The following ZBTB16 variants were observed in gnomAD, a reference collection of about 807,000 sequenced individuals.
ZBTB16 encodes zinc finger and BTB domain containing 16.
In ZBTB16, 8 loss-of-function variants were observed where a neutral mutation model predicts 56.8. That is an observed-to-expected ratio of 0.14 (90% confidence interval 0.08 to 0.25). The LOEUF is 0.25. Ranked by LOEUF, ZBTB16 falls within the 10% of genes least tolerant of loss-of-function variation. ZBTB16 has a pLI of 1.00. For synonymous variants in ZBTB16, 363 were observed against 368.5 expected (o/e 0.98, Z 0.17); for missense variants, 625 against 903.0 (o/e 0.69, Z 3.95).
At chr11:114,171,241 T>C (rs1942958976) in intron 3 of ZBTB16, among the ~76,000 whole-genome samples, 2 of 152,254 alleles carry the variant, frequency 1.3e-5, no homozygotes, top group Admixed American at 1.3e-4. Flanking sequence ...CTGTCTGTCC[T>C]GTCCGAGCAA....
intron 4 of ZBTB16, among the ~76,000 whole-genome samples, chr11:114,190,185 A>C (rs1344539977): frequency 1.3e-5 from 2 of 152,216 alleles, no homozygotes; most frequent in African/African-American, 4.8e-5. Flanking sequence ...GCGACTGCCG[A>C]TGGAGCTGGA....
In ZBTB16 at chr11:114,251,691, A is replaced by C. The variant is rs999635237; in HGVS notation, c.*1136A>C. Among the ~76,000 whole-genome samples the C allele has an allele frequency of 6.6e-6, 1 of 152,240 alleles. No individual in the cohort carries two copies. Among genetic ancestry groups the C allele is most frequent in the Non-Finnish European group, 1.5e-5 (1 of 68,044 alleles). On this transcript the variant is annotated 3_prime_UTR_variant, in exon 7 of 7. Transcript: ENST00000335953. ...GAGCTCAGCAAGAAAAGCCAGGTCCAGAGAGAGTCGCACAGAATTCCTGAC... is the reference window on the plus strand; with the variant it reads ...GAGCTCAGCAAGAAAAGCCAGGTCCCGAGAGAGTCGCACAGAATTCCTGAC...
chr11:114,233,105 ACACACACACACACACACACACTCTCTCT>A (rs1471529644), intron 4 of ZBTB16, among the ~76,000 whole-genome samples: 3 of 42,594 alleles, frequency 7.0e-5, no homozygotes, highest in Non-Finnish European at 2.0e-4. Context: ...ACACACACAC[ACACACACACACACACACACACTCTCTCT>A]CTCTCACACT....
intron 2 of ZBTB16, among the ~76,000 whole-genome samples, chr11:114,117,560 G>T (rs140903711): frequency 6.6e-6 from 1 of 151,954 alleles, no homozygotes. Context: ...GGAAGGAGTT[G>T]GTTGAGACTC....
chr11:114,250,254 T>C lies in ZBTB16; in HGVS notation c.1793-72T>C. On this transcript the variant is annotated intron_variant, in intron 6 of 6. Transcript: ENST00000335953. This position sits in a 1 kb window ranked among gnomAD's most constrained non-coding sequence, Gnocchi z 6.0. ...AGGAACCCAGCTTCCCTGGCACGCC[T>C]GAGGGTGACATGGTGCCCTCACCGC... The C allele has an allele frequency of 3.2e-6, 5 of 1,550,212 alleles. No individual in the cohort carries two copies. Among genetic ancestry groups the C allele is most frequent in the Non-Finnish European group, 4.4e-6 (5 of 1,135,444 alleles).
At chr11:114,081,214 G>T (rs1356123914) in intron 2 of ZBTB16, among the ~76,000 whole-genome samples, 1 of 152,106 alleles carries the variant, frequency 6.6e-6, no homozygotes, top group Non-Finnish European at 1.5e-5. Flanking sequence ...AGGGATGCTG[G>T]GGGGTTTCTG....
intron 4 of ZBTB16, among the ~76,000 whole-genome samples, chr11:114,205,689 G>A (rs1943852261): frequency 6.6e-6 from 1 of 152,156 alleles, no homozygotes; most frequent in Non-Finnish European, 1.5e-5. Context: ...TAAGCTTATG[G>A]GGAAGATCCC....
intron 2 of ZBTB16, among the ~76,000 whole-genome samples, chr11:114,066,916 A>G (rs1420219426): frequency 6.6e-6 from 1 of 151,198 alleles, no homozygotes; most frequent in Non-Finnish European, 1.5e-5. Context: ...GACTACAGGC[A>G]CCTGTCACCC....
At chr11:114,206,765 C>T (rs73002896) in intron 4 of ZBTB16, among the ~76,000 whole-genome samples, 7,735 of 152,312 alleles carry the variant, frequency 0.051, 259 homozygotes, top group Middle Eastern at 0.13. Flanking sequence ...ATGTGATATA[C>T]CTGCACTAAG....
chr11:114,068,549 T>C (rs1939212229), intron 2 of ZBTB16, among the ~76,000 whole-genome samples: 1 of 152,158 alleles, frequency 6.6e-6, no homozygotes, highest in East Asian at 1.9e-4. Context: ...GACAAAGGCA[T>C]CCAATGGGAC....
rs911872852 is a variant in ZBTB16, at chr11:114,251,743, AGAG to A, written c.*1204_*1206del. On this transcript the variant is annotated 3_prime_UTR_variant, in exon 7 of 7. Coordinates refer to ENST00000335953, the MANE Select transcript of ZBTB16 (RefSeq NM_006006.6). ...CACAGCGCCCCTCGGTCCACAGTGG[AGAG>A]GAGGAGGAGGAGGAGCAGAAGGAGG... Among the ~76,000 whole-genome samples the A allele has an allele frequency of 6.6e-5, 10 of 152,092 alleles. No individual in the cohort carries two copies. Among genetic ancestry groups the A allele is most frequent in the Middle Eastern group, 6.8e-3 (2 of 294 alleles).
chr11:114,076,749 A>G (rs936647966), intron 2 of ZBTB16, among the ~76,000 whole-genome samples: 3 of 151,954 alleles, frequency 2.0e-5, no homozygotes, highest in Admixed American at 1.3e-4. Flanking sequence ...GTGGAAAACC[A>G]GACTGGACTT....
intron 4 of ZBTB16, among the ~76,000 whole-genome samples, chr11:114,227,438 A>G (rs1944350654): frequency 6.6e-6 from 1 of 152,234 alleles, no homozygotes; most frequent in Admixed American, 6.5e-5. Context: ...AAGTCCAGAG[A>G]AATCAAATTC....
chr11:114,115,050 T>G (rs781555538), intron 2 of ZBTB16, among the ~76,000 whole-genome samples: 5 of 152,180 alleles, frequency 3.3e-5, no homozygotes, highest in Non-Finnish European at 5.9e-5. Flanking sequence ...CATTATTTTC[T>G]TTCTTCCTTT....
At chr11:114,172,334 G>A (rs1040299699) in intron 3 of ZBTB16, among the ~76,000 whole-genome samples, 6 of 152,166 alleles carry the variant, frequency 3.9e-5, no homozygotes, top group African/African-American at 1.4e-4. Flanking sequence ...AATGACAGTG[G>A]CAGCTGACAT....
chr11:114,229,232 G>T (rs768790196), intron 4 of ZBTB16, among the ~76,000 whole-genome samples: 1 of 152,156 alleles, frequency 6.6e-6, no homozygotes, highest in Non-Finnish European at 1.5e-5. Context: ...TTTTAAATGC[G>T]ACACAGTAGC....
chr11:114,189,810 G>A (rs1943450515), intron 4 of ZBTB16: 1 of 151,510 alleles, frequency 6.6e-6, no homozygotes, highest in Non-Finnish European at 1.5e-5. Flanking sequence ...ATACGATGCA[G>A]CAGTTCTTCT....
chr11:114,157,085 G>A (rs2134960250), intron 3 of ZBTB16, among the ~76,000 whole-genome samples: 1 of 152,170 alleles, frequency 6.6e-6, no homozygotes, highest in African/African-American at 2.4e-5. Flanking sequence ...TTCTTTGCCA[G>A]GTGCATAGTC....
intron 2 of ZBTB16, among the ~76,000 whole-genome samples, chr11:114,070,814 C>G (rs1453569395): frequency 6.6e-6 from 1 of 152,182 alleles, no homozygotes; most frequent in African/African-American, 2.4e-5. Flanking sequence ...TTGCCAAAAT[C>G]CTTTTTGAAT....
Sources: gnomAD v4.1 joint callset for allele counts (sites outside exome capture counted in the v4.1 genomes callset) on GRCh38, gnomAD v4.1.1 for gene constraint, Gnocchi (gnomAD v3.1) non-coding constraint, MANE v1.5 for transcripts, NCBI Gene and HGNC (gene_info 2026-07-23, HGNC 2026-07-21) for gene names.